Variants in TSC1 observed in about 807,000 individuals in gnomAD.
TSC1 encodes the protein hamartin.
TSC1 carries 20 observed loss-of-function variants against 124.3 expected under a neutral mutation model. That is an observed-to-expected ratio of 0.16 (90% CI 0.11 to 0.23). The LOEUF (loss-of-function observed/expected upper bound fraction) is 0.23. TSC1 is among the 10% of genes least tolerant of loss of function. The pLI is 1.00. For synonymous variants in TSC1, 493 were observed against 539.1 expected (o/e 0.91, Z 1.19); for missense variants, 1,124 against 1,448.5 (o/e 0.78, Z 3.64).
At chr9:132,937,708 T>C (rs1265894030) in intron 1 of TSC1, among the ~76,000 whole-genome samples, 1 of 152,062 alleles carries the variant, frequency 6.6e-6, no homozygotes, top group African/African-American at 2.4e-5. Context: ...GGTGGTTGGT[T>C]TTTTTGTTTT....
rs1847047878 is a variant in TSC1 at position 132,928,944 on chromosome 9, A to G, written c.-72T>C. The G allele has an allele frequency of 6.2e-7, 1 of 1,603,736 alleles. No homozygotes were observed. The highest frequency in any genetic ancestry group is 1.7e-5 in the Admixed American group (1 of 58,764). ...GTTCTGAAGGTTCTTCATTGGGGCC[A>G]CTACCAAACTGAGAAAAAGGAAGAT... On this transcript the variant is annotated 5_prime_UTR_variant, in exon 3 of 23. Transcript: ENST00000298552.
In TSC1 at chr9:132,900,701, G is replaced by A. The variant is rs757876250; in HGVS notation, c.2625+14C>T. The A allele has an allele frequency of 6.2e-6, 10 of 1,613,810 alleles. No homozygotes were observed. The highest frequency in any genetic ancestry group is 4.4e-5 in the South Asian group (4 of 91,046). Reference sequence around the variant, plus strand: ...CTTTCCCCACTAAGGTCTGGCTCCCGAGCCCTGGCATACCTTTGTGGTATC... The same window carrying A: ...CTTTCCCCACTAAGGTCTGGCTCCCAAGCCCTGGCATACCTTTGTGGTATC... On this transcript the variant is annotated intron_variant, in intron 20 of 22. Coordinates refer to ENST00000298552, the MANE Select transcript of TSC1 (RefSeq NM_000368.5).
intron 1 of TSC1, among the ~76,000 whole-genome samples, chr9:132,936,353 G>A (rs537354950): frequency 1.4e-3 from 207 of 152,194 alleles, no homozygotes; most frequent in Non-Finnish European, 2.5e-3. Flanking sequence ...CTAGCCTCAC[G>A]CAATCCTCCC....
rs199517042 is a variant in TSC1 at position 132,901,651 on chromosome 9, G to C, written c.2440C>G (p.Leu814Val). 6.2e-7 allele frequency: 1 copy of C among 1,614,138 alleles called. No individual in the cohort carries two copies. The highest frequency in any genetic ancestry group is 8.5e-7 in the Non-Finnish European group (1 of 1,180,038). ...RNMIAELRIE[L>V]KKANNKVCHT... ...CACACCTTGTTGTTGGCCTTCTTCAGTTCTATCCGCAGCTCCGCAATCATG... is the reference window on the plus strand; with the variant it reads ...CACACCTTGTTGTTGGCCTTCTTCACTTCTATCCGCAGCTCCGCAATCATG... The change falls in exon 19 of 23, where the codon CTG (leucine) becomes GTG (valine). Residue 814 changes from leucine to valine, a missense_variant. By Grantham distance (32) the Leu-to-Val change is conservative. Transcript: ENST00000298552.
Position 132,912,360 on chromosome 9 carries a change from G to A in TSC1, c.835C>T (p.His279Tyr), listed in dbSNP as rs1467020958. ...ASYEDGYSVS[H>Y]QISARFPHRS... is the part of the protein sequence containing the mutation. ...TGAGGAAAGCGGGCTGAGATTTGGT[G>A]AGACACAGAATAGCCATCTTCATAT... is the stretch of plus-strand genomic sequence containing the variant. The change falls in exon 9 of 23, where the codon CAC becomes TAC. Residue 279 changes from histidine (H) to tyrosine (Y), a missense_variant. Physicochemically the swap from His to Tyr is moderately conservative, Grantham distance 83. Transcript: ENST00000298552. 6.2e-7 allele frequency: 1 copy of A among 1,614,214 alleles called. No individual in the cohort carries two copies. The highest frequency in any genetic ancestry group is 2.2e-5 in the East Asian group (1 of 44,882).
chr9:132,900,990 G>A (rs1845345130), intron 19 of TSC1, among the ~76,000 whole-genome samples, 153 bp from the exon 20 acceptor site: 1 of 152,200 alleles, frequency 6.6e-6, no homozygotes. Context: ...CATAATGGCA[G>A]GTGGGGAGGA....
intron 12 of TSC1, 89 bp from the exon 13 acceptor site, chr9:132,907,459 A>G: frequency 2.0e-6 from 2 of 1,022,430 alleles, no homozygotes; most frequent in South Asian, 1.3e-5. Context: ...AGGTCAGCCG[A>G]GTGCAGTGAT....
intron 3 of TSC1, among the ~76,000 whole-genome samples, 168 bp downstream of exon 3, chr9:132,928,599 T>C (rs1847019431): frequency 6.6e-6 from 1 of 152,236 alleles, no homozygotes; most frequent in African/African-American, 2.4e-5. Context: ...TGTGCATACT[T>C]GAGTATTTCC....
chr9:132,929,087 T>A, intron 2 of TSC1, 135 bp from the exon 3 acceptor site: 1 of 677,438 alleles, frequency 1.5e-6, no homozygotes. Flanking sequence ...ATTCAAACAG[T>A]GAGTACATTT....
At chr9:132,929,291 T>A (rs1847072505) in intron 2 of TSC1, among the ~76,000 whole-genome samples, 1 of 152,254 alleles carries the variant, frequency 6.6e-6, no homozygotes, top group Non-Finnish European at 1.5e-5. Flanking sequence ...ACATTTATAT[T>A]TCAAATTATT....
intron 16 of TSC1, 139 bp downstream of exon 16, chr9:132,904,272 T>C (rs971874155): frequency 1.3e-5 from 12 of 940,454 alleles, no homozygotes; most frequent in Non-Finnish European, 1.8e-5. Context: ...TGAGATCCTT[T>C]AGCCAAGCAG....
At position 132,923,148 on chromosome 9, in the gene TSC1, A is replaced by T. The variant is rs926972984; in HGVS notation, c.508+200T>A. Among the ~76,000 whole-genome samples the T allele has an allele frequency of 3.3e-5, 5 of 152,226 alleles. No individual in the cohort carries two copies. Among genetic ancestry groups the T allele is most frequent in the Non-Finnish European group, 5.9e-5 (4 of 68,040 alleles). On this transcript the variant is annotated intron_variant, in intron 6 of 22. Coordinates refer to ENST00000298552, the MANE Select transcript of TSC1 (RefSeq NM_000368.5). The surrounding 1 kb of genome is among the most constrained non-coding windows in gnomAD (Gnocchi z 4.2). ...CTAATCCTTTTAAGCCAAGAAAATA[A>T]AAAAAGTTATCTCAACAGTCATGTT...
intron 11 of TSC1, 46 bp from the exon 12 acceptor site, chr9:132,910,738 T>G (rs768948567): frequency 1.9e-6 from 3 of 1,611,766 alleles, no homozygotes; most frequent in Non-Finnish European, 2.5e-6. Flanking sequence ...GCCCAACTAT[T>G]AGAAAAACTG....
At position 132,921,247 on chromosome 9, in the gene TSC1, T is replaced by C; in HGVS notation, c.737+116A>G. On this transcript the variant is annotated intron_variant, in intron 8 of 22. Coordinates refer to ENST00000298552, the MANE Select transcript of TSC1 (RefSeq NM_000368.5). This position sits in a 1 kb window ranked among gnomAD's most constrained non-coding sequence, Gnocchi z 4.3. Reference sequence around the variant, plus strand: ...GCTGTATGAGTGCTTCCAAGTGGACTGATTCTGTAAGTAGAACATCTATAT... The same window carrying C: ...GCTGTATGAGTGCTTCCAAGTGGACCGATTCTGTAAGTAGAACATCTATAT... The C allele has an allele frequency of 9.0e-7, 1 of 1,116,498 alleles. No individual in the cohort carries two copies. The highest frequency in any genetic ancestry group is 1.3e-6 in the Non-Finnish European group (1 of 751,360). The allele number at this position is 1,116,498 out of a possible 1,614,324, so 69.2% of individuals were successfully genotyped here.
At position 132,895,748 on chromosome 9, in the gene TSC1, A is replaced by G. The variant is rs541843034; in HGVS notation, c.*487T>C. The stretch of plus-strand genomic sequence containing the variant: ...GTCTCATGTAAACGCTTTCATGTAA[A>G]GACAACCAGCTTTGCAGGCTATGTC... On this transcript the variant is annotated 3_prime_UTR_variant, in exon 23 of 23. Coordinates refer to ENST00000298552, the MANE Select transcript of TSC1 (RefSeq NM_000368.5). 4 of 249,302 alleles carry G rather than the reference A, an allele frequency of 1.6e-5. No homozygotes were observed. The highest frequency in any genetic ancestry group is 2.4e-5 in the Non-Finnish European group (3 of 127,356). The allele number at this position is 249,302 out of a possible 1,614,324, so 15.4% of individuals were successfully genotyped here.
chr9:132,928,184 A>G (rs887972943), intron 3 of TSC1, among the ~76,000 whole-genome samples: 1 of 152,042 alleles, frequency 6.6e-6, no homozygotes, highest in Non-Finnish European at 1.5e-5. Flanking sequence ...TTAACCATTC[A>G]CCTACTGAAG....
chr9:132,920,099 G>A lies in TSC1; in HGVS notation c.737+1264C>T, dbSNP rs143907734. On this transcript the variant is annotated intron_variant, in intron 8 of 22. Coordinates refer to ENST00000298552, the MANE Select transcript of TSC1 (RefSeq NM_000368.5). ...AAGCCTTGCCAGACGCTCTGATGAG[G>A]GTAAGCCTTGTGTTTCCCAGACTCA... Among the ~76,000 whole-genome samples the A allele has an allele frequency of 1.9e-4, 29 of 152,278 alleles. 1 individual carries two copies. Among genetic ancestry groups the A allele is most frequent in the African/African-American group, 6.7e-4 (28 of 41,574 alleles).
In TSC1 at chr9:132,928,878, C is replaced by T. The variant is rs1847042446; in HGVS notation, c.-6G>A. On this transcript the variant is annotated 5_prime_UTR_variant, in exon 3 of 23. Coordinates refer to ENST00000298552, the MANE Select transcript of TSC1 (RefSeq NM_000368.5). The stretch of plus-strand genomic sequence containing the variant: ...ACATTTGCTTGTTGGGCCATTCTCT[C>T]GCTCGAAGGCGCTGTGCTGGCTCCA... 6.2e-7 allele frequency: 1 copy of T among 1,614,012 alleles called. No homozygotes were observed. Among genetic ancestry groups the T allele is most frequent in the Non-Finnish European group, 8.5e-7 (1 of 1,179,984 alleles).
chr9:132,923,366 A>G lies in TSC1; in HGVS notation c.490T>C (p.Trp164Arg), dbSNP rs1353861668. 6.2e-7 allele frequency: 1 copy of G among 1,614,200 alleles called. No individual in the cohort carries two copies. Among genetic ancestry groups the G allele is most frequent in the Non-Finnish European group, 8.5e-7 (1 of 1,180,006 alleles). The change falls in exon 6 of 23, where the codon TGG becomes CGG. Residue 164 changes from tryptophan to arginine, a missense_variant. This residue lies in a region of TSC1 where 463 missense variants were observed against 606.8 expected (regional missense o/e 0.76). Transcript: ENST00000298552. The surrounding 1 kb of genome is among the most constrained non-coding windows in gnomAD (Gnocchi z 4.2). Reference sequence around the variant, plus strand: ...TCTGTACCTGGTTTCTTCAGGCACCATGATGACAGACGGCCAAAAATGTCA... The same window carrying G: ...TCTGTACCTGGTTTCTTCAGGCACCGTGATGACAGACGGCCAAAAATGTCA... ...FFDIFGRLSS[W>R]CLKKPGHVAE...
Sources: allele counts gnomAD v4.1 joint callset (sites outside exome capture counted in the v4.1 genomes callset), GRCh38; gene constraint gnomAD v4.1.1; regional missense constraint gnomAD v4.1.1; non-coding constraint Gnocchi (gnomAD v3.1); transcripts MANE v1.5; gene names NCBI Gene and HGNC (gene_info 2026-07-23, HGNC 2026-07-21).